Variants in NAV3 observed in about 807,000 individuals in gnomAD.
The protein encoded by NAV3 is neuron navigator 3, also known as pore membrane and/or filament interacting like protein 1.
In NAV3, 87 loss-of-function variants were observed where a neutral mutation model predicts 244.7. The ratio of observed to expected loss-of-function variants is 0.36; its 90% CI spans 0.30 to 0.42. The LOEUF is 0.42. Ranked by LOEUF, NAV3 falls within the 20% of genes least tolerant of loss-of-function variation. NAV3 has a pLI of 1.00. For synonymous variants in NAV3, 1,126 were observed against 1,042.2 expected (o/e 1.08, Z -1.55); for missense variants, 2,663 against 2,893.3 (o/e 0.92, Z 1.83).
chr12:77,736,565 C>G (rs1480619350), intron 2 of NAV3, among the ~76,000 whole-genome samples: 6 of 152,078 alleles, frequency 3.9e-5, no homozygotes, highest in Admixed American at 2.0e-4. Context: ...TGTGGCCACT[C>G]CAAAGGGGAT....
chr12:78,162,611 C>A (rs924018982), intron 23 of NAV3, among the ~76,000 whole-genome samples: 17 of 151,216 alleles, frequency 1.1e-4, no homozygotes, highest in African/African-American at 3.9e-4. Context: ...CACGTGTAAT[C>A]CTAGCACTTT....
At chr12:78,132,609 C>A (rs551153948) in intron 18 of NAV3, among the ~76,000 whole-genome samples, 84 of 152,194 alleles carry the variant, frequency 5.5e-4, no homozygotes, top group Admixed American at 1.4e-3. Context: ...AGGTGCAAAC[C>A]CTGGGCAATG....
intron 22 of NAV3, among the ~76,000 whole-genome samples, chr12:78,154,264 A>G (rs1957194139): frequency 7.1e-6 from 1 of 141,250 alleles, no homozygotes; most frequent in South Asian, 2.1e-4. Flanking sequence ...TATATAATAT[A>G]TAGTATATAT....
At chr12:77,646,939 G>A (rs1175275886) in intron 2 of NAV3, among the ~76,000 whole-genome samples, 1 of 152,044 alleles carries the variant, frequency 6.6e-6, no homozygotes, top group Non-Finnish European at 1.5e-5. Context: ...ATCCGAGCTT[G>A]CTGATACTTG....
chr12:78,190,313 C>T, intron 34 of NAV3, 94 bp downstream of exon 34: 1 of 994,194 alleles, frequency 1.0e-6, no homozygotes, highest in Non-Finnish European at 1.5e-6. Context: ...CCATGTTGTA[C>T]ATGGAAAAGA....
chr12:77,598,512 T>C (rs763494995), intron 2 of NAV3, among the ~76,000 whole-genome samples: 1 of 152,022 alleles, frequency 6.6e-6, no homozygotes, highest in Non-Finnish European at 1.5e-5. Flanking sequence ...TAGGGTCTGA[T>C]TGTCCTTCAG....
At chr12:77,983,661 A>G (rs2136286117) in intron 5 of NAV3, among the ~76,000 whole-genome samples, 1 of 152,292 alleles carries the variant, frequency 6.6e-6, no homozygotes, top group East Asian at 1.9e-4. Context: ...AAAAAAGTAT[A>G]AAAGTAGGGG....
intron 2 of NAV3, among the ~76,000 whole-genome samples, chr12:77,761,655 G>A (rs761241133): frequency 6.6e-5 from 10 of 152,018 alleles, no homozygotes; most frequent in Admixed American, 2.0e-4. Context: ...ACATTTATGC[G>A]GCCAAGAAAC....
At chr12:77,908,695 A>G (rs896659448) in intron 1 of NAV3, among the ~76,000 whole-genome samples, 1 of 152,032 alleles carries the variant, frequency 6.6e-6, no homozygotes, top group Admixed American at 6.6e-5. Context: ...ATATCTGATT[A>G]ATGAGTAGAT....
intron 2 of NAV3, among the ~76,000 whole-genome samples, chr12:77,762,653 A>T (rs1869534305): frequency 6.6e-6 from 1 of 151,974 alleles, no homozygotes; most frequent in East Asian, 1.9e-4. Flanking sequence ...TCAAACAGGG[A>T]TCGTTGTTAT....
At chr12:78,104,073 T>C (rs796740895) in intron 12 of NAV3, among the ~76,000 whole-genome samples, 4 of 152,316 alleles carry the variant, frequency 2.6e-5, no homozygotes, top group African/African-American at 9.6e-5. Flanking sequence ...GCAGAATACA[T>C]CTAGAAGATT....
At chr12:77,606,029 C>T (rs1870654727) in intron 2 of NAV3, among the ~76,000 whole-genome samples, 1 of 152,158 alleles carries the variant, frequency 6.6e-6, no homozygotes, top group Admixed American at 6.5e-5. Flanking sequence ...TTTAAGACAG[C>T]AGTTAATTTT....
At chr12:78,147,358 A>G (rs931844004) in intron 21 of NAV3, among the ~76,000 whole-genome samples, 5 of 152,040 alleles carry the variant, frequency 3.3e-5, no homozygotes, top group Non-Finnish European at 7.4e-5. Context: ...GTAGTTATTC[A>G]ACTCCCCTTT....
intron 5 of NAV3, among the ~76,000 whole-genome samples, chr12:77,978,520 T>C (rs1160799046): frequency 6.6e-6 from 1 of 152,058 alleles, no homozygotes; most frequent in African/African-American, 2.4e-5. Context: ...AAATTATTTA[T>C]TAATCTTTTC....
chr12:78,187,622 G>A (rs748710738), intron 31 of NAV3, among the ~76,000 whole-genome samples: 19 of 151,896 alleles, frequency 1.3e-4, no homozygotes, highest in African/African-American at 3.9e-4. Context: ...TTGATGAAAC[G>A]AATCCTGTAG....
intron 1 of NAV3, among the ~76,000 whole-genome samples, chr12:77,935,431 T>A (rs1414311419): frequency 6.6e-6 from 1 of 152,184 alleles, no homozygotes; most frequent in Non-Finnish European, 1.5e-5. Flanking sequence ...TCATTACAAC[T>A]TCCTGCAATT....
At chr12:77,904,964 A>G (rs1885803587) in intron 1 of NAV3, among the ~76,000 whole-genome samples, 1 of 151,494 alleles carries the variant, frequency 6.6e-6, no homozygotes, top group African/African-American at 2.4e-5. Context: ...AAAAAAAAAA[A>G]GTAAGAAAGC....
At chr12:77,902,068 C>T (rs1437777049) in intron 1 of NAV3, among the ~76,000 whole-genome samples, 1 of 152,134 alleles carries the variant, frequency 6.6e-6, no homozygotes, top group Non-Finnish European at 1.5e-5. Flanking sequence ...ACATAATTTT[C>T]ATATCTGACA....
intron 2 of NAV3, among the ~76,000 whole-genome samples, chr12:77,638,460 C>A (rs1302397142): frequency 6.6e-6 from 1 of 152,198 alleles, no homozygotes; most frequent in African/African-American, 2.4e-5. Flanking sequence ...CTTGATGCCT[C>A]ATCCAGCAAA....
Sources: allele counts gnomAD v4.1 joint callset (sites outside exome capture counted in the v4.1 genomes callset), GRCh38; gene constraint gnomAD v4.1.1; transcripts MANE v1.5; gene names NCBI Gene and HGNC (gene_info 2026-07-23, HGNC 2026-07-21).